Variants in DLGAP1 observed in about 807,000 individuals in gnomAD.
DLGAP1 encodes the protein DLG associated protein 1, also known as disks large-associated protein 1.
In DLGAP1, 11 loss-of-function variants were observed where a neutral mutation model predicts 90.8. The ratio of observed to expected loss-of-function variants is 0.12; its 90% CI spans 0.08 to 0.20. DLGAP1 has a LOEUF of 0.20. Ranked by LOEUF, DLGAP1 falls within the 10% of genes least tolerant of loss-of-function variation. The probability of loss-of-function intolerance (pLI) is 1.00; values close to 1 mark genes in which losing one functional copy is unlikely to be tolerated. For synonymous variants in DLGAP1, 558 were observed against 540.7 expected, an observed-to-expected ratio of 1.03 and a Z score of -0.44; for missense variants, 1,050 against 1,333.8, an observed-to-expected ratio of 0.79 and a Z score of 3.31.
rs35537864 is a variant in DLGAP1, at chr18:4,369,296, CGT to C, written c.-267+85708_-267+85709del. 2.6e-5 allele frequency among the ~76,000 whole-genome samples: 4 copies of C among 151,718 alleles called. 1 individual carries two copies. On this transcript the variant is annotated intron_variant, in intron 1 of 12. Coordinates refer to ENST00000315677, the MANE Select transcript of DLGAP1 (RefSeq NM_004746.4). ...TTGTGTATACATGCATATGAGTGTG[CGT>C]GTGTGTGTGTATTTCAGTGAAAAAT...
At chr18:4,401,498 A>C (rs1015358258) in intron 1 of DLGAP1, among the ~76,000 whole-genome samples, 1 of 152,160 alleles carries the variant, frequency 6.6e-6, no homozygotes, top group African/African-American at 2.4e-5. Flanking sequence ...GAAGAATTAC[A>C]CTTATTGTCA....
At chr18:3,862,241 C>T (rs547444898) in intron 4 of DLGAP1, among the ~76,000 whole-genome samples, 6 of 152,300 alleles carry the variant, frequency 3.9e-5, no homozygotes, top group South Asian at 2.1e-4. Context: ...CCTGTCTGAA[C>T]GGCACCAGCC....
At position 3,775,122 on chromosome 18, in the gene DLGAP1, C is replaced by T. The variant is rs1199588404; in HGVS notation, c.1173-32610G>A. On this transcript the variant is annotated intron_variant, in intron 5 of 12. Transcript: ENST00000315677. This position sits in a 1 kb window ranked among gnomAD's most constrained non-coding sequence, Gnocchi z 4.9. ...TGTTCTTTAAGCCCATTGAACTCTCCTAAAAATCATTTAGTACCTCCCTAA... is the reference window on the plus strand; with the variant it reads ...TGTTCTTTAAGCCCATTGAACTCTCTTAAAAATCATTTAGTACCTCCCTAA... Among the ~76,000 whole-genome samples, 1 of 152,188 alleles carries T rather than the reference C, an allele frequency of 6.6e-6. No homozygotes were observed. Among genetic ancestry groups the T allele is most frequent in the Non-Finnish European group, 1.5e-5 (1 of 68,020 alleles).
At chr18:3,972,014 A>C (rs2073460315) in intron 3 of DLGAP1, among the ~76,000 whole-genome samples, 1 of 152,222 alleles carries the variant, frequency 6.6e-6, no homozygotes. Context: ...GGAGACCATG[A>C]ATAGCTTTGG....
intron 3 of DLGAP1, among the ~76,000 whole-genome samples, chr18:3,999,608 A>C (rs35737437): frequency 0.25 from 37,920 of 151,944 alleles, 4,745 homozygotes; most frequent in Middle Eastern, 0.34. Context: ...AAAGTAACAA[A>C]AACAACAACA....
chr18:4,211,580 G>A (rs939518627), intron 1 of DLGAP1, among the ~76,000 whole-genome samples: 1 of 152,002 alleles, frequency 6.6e-6, no homozygotes, highest in African/African-American at 2.4e-5. Context: ...GAATATCCTA[G>A]GGACTCTCCA....
chr18:4,336,193 A>G (rs188812728), intron 1 of DLGAP1, among the ~76,000 whole-genome samples: 12 of 152,354 alleles, frequency 7.9e-5, no homozygotes, highest in Non-Finnish European at 1.3e-4. Flanking sequence ...AAAGATACGT[A>G]TGCACCATAC....
intron 1 of DLGAP1, among the ~76,000 whole-genome samples, chr18:4,245,584 G>A (rs976155324): frequency 6.6e-6 from 1 of 152,094 alleles, no homozygotes; most frequent in Non-Finnish European, 1.5e-5. Context: ...ACTTTCAAAT[G>A]AGCAGCAAGT....
At chr18:3,832,173 TTGAC>T (rs2068066129) in intron 4 of DLGAP1, among the ~76,000 whole-genome samples, 1 of 152,224 alleles carries the variant, frequency 6.6e-6, no homozygotes, top group Admixed American at 6.5e-5. Flanking sequence ...TCTCCCGACA[TTGAC>T]TGGAATTCAG....
chr18:4,094,611 T>C (rs545414957), intron 2 of DLGAP1, among the ~76,000 whole-genome samples: 12 of 146,058 alleles, frequency 8.2e-5, no homozygotes, highest in South Asian at 2.3e-4. Context: ...CTCTTTCTTT[T>C]TTTTTTTTTT....
At chr18:4,236,591 CTCTT>C (rs570535559) in intron 1 of DLGAP1, among the ~76,000 whole-genome samples, 2 of 152,222 alleles carry the variant, frequency 1.3e-5, no homozygotes, top group African/African-American at 4.8e-5. Context: ...ATAGCTTAGA[CTCTT>C]TAAGTTTTAT....
At chr18:3,539,274 G>A (rs987490890) in intron 9 of DLGAP1, among the ~76,000 whole-genome samples, 1 of 152,250 alleles carries the variant, frequency 6.6e-6, no homozygotes, top group African/African-American at 2.4e-5. Context: ...GAATTGATCA[G>A]TTCCTCGTTG....
At chr18:4,443,694 T>C (rs2083591990) in intron 1 of DLGAP1, among the ~76,000 whole-genome samples, 1 of 152,194 alleles carries the variant, frequency 6.6e-6, no homozygotes, top group African/African-American at 2.4e-5. Flanking sequence ...GATATTTAAA[T>C]TGTATTAAGT....
In DLGAP1 at chr18:4,175,808, C is replaced by T. The variant is rs138326571; in HGVS notation, c.-266-24521G>A. 2.1e-3 allele frequency among the ~76,000 whole-genome samples: 314 copies of T among 152,144 alleles called. 1 individual carries two copies. The Middle Eastern group carries it at 0.024, about 12-fold the overall frequency. On this transcript the variant is annotated intron_variant, in intron 1 of 12. Transcript: ENST00000315677. Reference sequence around the variant, plus strand: ...TTTGATACTATGCTTAAAACAGTACCGTGCTGTTTTGGTTACTGTAACCTT... The same window carrying T: ...TTTGATACTATGCTTAAAACAGTACTGTGCTGTTTTGGTTACTGTAACCTT...
At chr18:3,913,528 T>C (rs2072078946) in intron 3 of DLGAP1, among the ~76,000 whole-genome samples, 1 of 147,682 alleles carries the variant, frequency 6.8e-6, no homozygotes, top group African/African-American at 2.4e-5. Context: ...TTAAGAAGCA[T>C]ATATTTACTT....
chr18:4,072,773 A>G (rs1347599881), intron 2 of DLGAP1, among the ~76,000 whole-genome samples: 12 of 152,132 alleles, frequency 7.9e-5, no homozygotes, highest in Admixed American at 7.9e-4. Context: ...CCAGACCTTC[A>G]TTATCTTTTG....
At chr18:3,626,153 C>T (rs549315679) in intron 7 of DLGAP1, among the ~76,000 whole-genome samples, 49 of 152,150 alleles carry the variant, frequency 3.2e-4, no homozygotes, top group African/African-American at 4.8e-4. Context: ...ATTAGCCCAG[C>T]GTGGTGGCAC....
chr18:3,827,740 C>G (rs944567070), intron 4 of DLGAP1, among the ~76,000 whole-genome samples: 1 of 152,188 alleles, frequency 6.6e-6, no homozygotes, highest in Admixed American at 6.5e-5. Flanking sequence ...ATGCCACACA[C>G]TGTCTTTATT....
chr18:4,016,407 T>G (rs1045638908), intron 2 of DLGAP1, among the ~76,000 whole-genome samples: 4 of 152,168 alleles, frequency 2.6e-5, no homozygotes, highest in Non-Finnish European at 5.9e-5. Context: ...TTCAAAGATA[T>G]ATGGGAGAGA....
Sources: gnomAD v4.1 joint callset for allele counts (sites outside exome capture counted in the v4.1 genomes callset) on GRCh38, gnomAD v4.1.1 for gene constraint, Gnocchi (gnomAD v3.1) non-coding constraint, MANE v1.5 for transcripts, NCBI Gene and HGNC (gene_info 2026-07-23, HGNC 2026-07-21) for gene names.